The following NLGN4X variants were observed in gnomAD, a reference collection of about 807,000 sequenced individuals.
NLGN4X encodes the protein neuroligin 4 X-linked, also known as neuroligin-4, X-linked.
Under a neutral mutation model 40.3 loss-of-function variants are expected in NLGN4X, and 3 were observed. The observed-to-expected ratio is 0.07, with a 90% CI of 0.03 to 0.19. NLGN4X has a LOEUF of 0.19. Ranked by LOEUF, NLGN4X falls within the 10% of genes least tolerant of loss-of-function variation. The probability of loss-of-function intolerance (pLI) is 1.00; values close to 1 mark genes in which losing one functional copy is unlikely to be tolerated. For missense variants in NLGN4X, 382 were observed against 708.3 expected, an observed-to-expected ratio of 0.54 and a Z score of 5.23; for synonymous variants, 270 against 306.8, an observed-to-expected ratio of 0.88 and a Z score of 1.25.
chrX:6,004,493 AAT>A (rs1222865776), intron 3 of NLGN4X, among the ~76,000 whole-genome samples: 1 of 112,027 alleles, frequency 8.9e-6, no homozygotes, highest in African/African-American at 3.2e-5. Flanking sequence ...CACAAACATC[AAT>A]ATGTTAAGCA....
At chrX:6,121,143 TATAC>T (rs2039413102) in intron 2 of NLGN4X, among the ~76,000 whole-genome samples, 1 of 40,715 alleles carries the variant, frequency 2.5e-5, no homozygotes, top group Non-Finnish European at 4.3e-5. Context: ...CACACATATA[TATAC>T]ATACACACAC....
intron 5 of NLGN4X, 22 bp downstream of exon 5, chrX:5,903,055 C>T (rs1305036287): frequency 8.3e-7 from 1 of 1,208,614 alleles, no homozygotes; most frequent in Non-Finnish European, 1.1e-6. Flanking sequence ...ATAGTGATAC[C>T]CCAACACGAA....
At chrX:6,000,565 T>TA (rs371085231) in intron 3 of NLGN4X, among the ~76,000 whole-genome samples, 325 of 105,356 alleles carry the variant, frequency 3.1e-3, no homozygotes, top group African/African-American at 1.0e-2. Context: ...CTGTTGAACA[T>TA]AAAAAAAAAA....
chrX:5,896,964 T>C (rs953636929), intron 5 of NLGN4X, among the ~76,000 whole-genome samples: 4 of 111,622 alleles, frequency 3.6e-5, no homozygotes, highest in East Asian at 5.7e-4. Context: ...TTCTTTTTTT[T>C]CCCAAAGATT....
intron 3 of NLGN4X, among the ~76,000 whole-genome samples, chrX:5,947,644 T>C (rs1419398692): frequency 1.8e-5 from 2 of 111,841 alleles, no homozygotes; most frequent in African/African-American, 3.2e-5. Context: ...TGGGGATAAG[T>C]TGATATTGGT....
chrX:6,043,008 G>A (rs145061663), intron 2 of NLGN4X, among the ~76,000 whole-genome samples: 252 of 106,302 alleles, frequency 2.4e-3, no homozygotes, highest in Non-Finnish European at 4.0e-3. Flanking sequence ...TCCAGGAGGC[G>A]GAGGCTGCAG....
At chrX:5,952,049 T>G (rs1329176238) in intron 3 of NLGN4X, among the ~76,000 whole-genome samples, 2 of 112,046 alleles carry the variant, frequency 1.8e-5, no homozygotes, top group African/African-American at 6.5e-5. Context: ...AAATGCAGAA[T>G]GGCCATTTTT....
chrX:6,069,244 C>T (rs1001810217), intron 2 of NLGN4X, among the ~76,000 whole-genome samples: 3 of 106,854 alleles, frequency 2.8e-5, no homozygotes, highest in Admixed American at 2.0e-4. Flanking sequence ...GCCGAGATCG[C>T]GCCACTGCAC....
chrX:6,013,775 T>C lies in NLGN4X; in HGVS notation c.625+15505A>G, dbSNP rs1480191492. ...CAGGAGGGTGAGATAGGAGGATCAA[T>C]TGACCCAAGAGGCTGGGACTTCAGT... On this transcript the variant is annotated intron_variant, in intron 3 of 5. Transcript: ENST00000381095. 3.6e-5 allele frequency among the ~76,000 whole-genome samples: 4 copies of C among 110,507 alleles called. No individual in the cohort carries two copies. In the East Asian group the frequency reaches 1.1e-3, roughly 31 times the overall value.
intron 2 of NLGN4X, among the ~76,000 whole-genome samples, chrX:6,088,573 C>G (rs753423913): frequency 1.8e-5 from 2 of 111,658 alleles, no homozygotes; most frequent in Non-Finnish European, 3.8e-5. Flanking sequence ...ATTTTAAGAA[C>G]AGGATTATTA....
chrX:6,086,874 T>A (rs1434318133), intron 2 of NLGN4X, among the ~76,000 whole-genome samples: 4 of 110,929 alleles, frequency 3.6e-5, no homozygotes, highest in Non-Finnish European at 5.7e-5. Context: ...CCTCAAGTGA[T>A]CCTCACTCCT....
rs1031980927 is a variant in NLGN4X at position 6,103,445 on chromosome X, T to C, written c.472+47550A>G. ...AGGGTAACTAGTAGACATAACTAAA[T>C]GTTTCAAAATAGGGTGAAAGGGATG... On this transcript the variant is annotated intron_variant, in intron 2 of 5. Transcript: ENST00000381095. 3.6e-5 allele frequency among the ~76,000 whole-genome samples: 4 copies of C among 112,152 alleles called. No individual in the cohort carries two copies. The East Asian group carries it at 1.1e-3, about 31-fold the overall frequency.
chrX:6,072,873 C>A (rs1340693307), intron 2 of NLGN4X, among the ~76,000 whole-genome samples: 1 of 112,229 alleles, frequency 8.9e-6, no homozygotes, highest in Admixed American at 9.5e-5. Context: ...GCTGACCAGA[C>A]CAGCAGCCCG....
At chrX:5,953,808 G>C (rs1406260647) in intron 3 of NLGN4X, among the ~76,000 whole-genome samples, 1 of 111,832 alleles carries the variant, frequency 8.9e-6, no homozygotes, top group East Asian at 2.8e-4. Context: ...AAAGATGTTG[G>C]AATATTTGGC....
chrX:6,147,340 T>C (rs992083822), intron 2 of NLGN4X, among the ~76,000 whole-genome samples: 9 of 111,973 alleles, frequency 8.0e-5, no homozygotes, highest in Non-Finnish European at 1.1e-4. Context: ...TAATATGATA[T>C]CTTGTCTGAG....
chrX:6,155,467 C>G (rs2040243177), intron 1 of NLGN4X, among the ~76,000 whole-genome samples: 1 of 111,773 alleles, frequency 8.9e-6, no homozygotes, highest in African/African-American at 3.3e-5. Flanking sequence ...GTGGAGACAA[C>G]ATTTTAGGGT....
intron 3 of NLGN4X, among the ~76,000 whole-genome samples, chrX:5,990,363 C>T (rs764988133): frequency 4.5e-5 from 5 of 110,804 alleles, no homozygotes; most frequent in Non-Finnish European, 9.4e-5. Flanking sequence ...AGAAAAAGTA[C>T]GAGCTTGCAG....
chrX:5,897,661 A>G (rs1049679474), intron 5 of NLGN4X, among the ~76,000 whole-genome samples: 1 of 111,714 alleles, frequency 9.0e-6, no homozygotes, highest in Non-Finnish European at 1.9e-5. Context: ...TAAAAAAGAA[A>G]TAGCAAGGAT....
At chrX:6,176,378 A>G (rs1341709335) in intron 1 of NLGN4X, among the ~76,000 whole-genome samples, 3 of 112,408 alleles carry the variant, frequency 2.7e-5, no homozygotes, top group Non-Finnish European at 5.6e-5. Context: ...AAATGAAGAT[A>G]ACAACTGTGT....
Sources: gnomAD v4.1 joint callset for allele counts (sites outside exome capture counted in the v4.1 genomes callset) on GRCh38, gnomAD v4.1.1 for gene constraint, MANE v1.5 for transcripts, NCBI Gene and HGNC (gene_info 2026-07-23, HGNC 2026-07-21) for gene names.